FAM153A: variants seen among roughly 807,000 people sequenced by gnomAD.
FAM153A encodes protein FAM153A.
In FAM153A, 12 loss-of-function variants were observed where a neutral mutation model predicts 48.1. That is an observed-to-expected ratio of 0.25 (90% CI 0.16 to 0.40). The LOEUF (loss-of-function observed/expected upper bound fraction) is 0.40, where lower values mean the gene tolerates loss of function less well. Ranked by LOEUF, FAM153A falls within the 10% of genes least tolerant of loss-of-function variation. FAM153A has a pLI of 1.00. For synonymous variants in FAM153A, 36 were observed against 118.2 expected (o/e 0.30, Z 4.51); for missense variants, 111 against 345.8 (o/e 0.32, Z 5.38).
chr5:177,772,692 G>A (rs7446813), intron 1 of FAM153A, among the ~76,000 whole-genome samples: 766 of 6,540 alleles, frequency 0.12, 132 homozygotes, highest in East Asian at 0.94. Flanking sequence ...AGGGGCGCCC[G>A]CCATTGCCCA....
At chr5:177,738,632 G>A (rs6860719) in intron 10 of FAM153A, among the ~76,000 whole-genome samples, 13,430 of 150,314 alleles carry the variant, frequency 0.089, 852 homozygotes, top group African/African-American at 0.11. Flanking sequence ...GAGATAAAGC[G>A]CTTGGCAAAT....
chr5:177,770,785 A>G (rs1279616662), intron 1 of FAM153A, among the ~76,000 whole-genome samples: 6 of 98,974 alleles, frequency 6.1e-5, no homozygotes, highest in Non-Finnish European at 1.3e-4. Context: ...ATCAGTTGTA[A>G]CAAATGTACC....
At chr5:177,708,371 T>A (rs1037816082), downstream of FAM153A, among the ~76,000 whole-genome samples, 1 of 150,198 alleles carries the variant, frequency 6.7e-6, no homozygotes, top group African/African-American at 2.5e-5. Flanking sequence ...AGGTTGTGAG[T>A]TTGAGACCAG....
the FAM153A span, among the ~76,000 whole-genome samples, chr5:177,695,467 G>C: frequency 3.4e-4 from 52 of 152,140 alleles, no homozygotes; most frequent in African/African-American, 1.1e-3. Flanking sequence ...GACACTTAAC[G>C]AGCATGCTGC....
chr5:177,711,380 A>G (rs188966346), exon 27 of FAM153A: 1 of 151,986 alleles, frequency 6.6e-6, no homozygotes, highest in Non-Finnish European at 1.5e-5. Context: ...GTTGTTTTTT[A>G]AGTAGAAGGA....
intron 16 of FAM153A, among the ~76,000 whole-genome samples, chr5:177,730,614 G>C (rs1197601026): frequency 5.6e-5 from 7 of 123,896 alleles, no homozygotes; most frequent in African/African-American, 1.9e-4. Flanking sequence ...ATCTGAATAG[G>C]TTTTCATTCT....
chr5:177,754,728 T>A (rs1445882599), upstream of FAM153A, among the ~76,000 whole-genome samples: 4 of 151,810 alleles, frequency 2.6e-5, no homozygotes, highest in Non-Finnish European at 5.9e-5. Context: ...GCAAACAAGG[T>A]CCGGAGTGGA....
chr5:177,695,070 C>T, the FAM153A span, among the ~76,000 whole-genome samples: 1 of 134,046 alleles, frequency 7.5e-6, no homozygotes, highest in African/African-American at 3.0e-5. Flanking sequence ...ACTATAGGCG[C>T]ATGCCACCAT....
In FAM153A at chr5:177,739,110, T is replaced by C; in HGVS notation, c.562+3A>G. 1.9e-6 allele frequency: 3 copies of C among 1,612,944 alleles called. No individual in the cohort carries two copies. Among genetic ancestry groups the C allele is most frequent in the African/African-American group, 1.4e-5 (1 of 73,980 alleles). The stretch of plus-strand genomic sequence containing the variant: ...AGCAAAAAGGTGATCCCAGAATACA[T>C]ACCGTTGGTTTGGGTGCCTGCGTCT... On this transcript the variant is annotated splice_donor_region_variant and intron_variant, in intron 10 of 20. Coordinates refer to ENST00000614127, the Ensembl canonical transcript of FAM153A.
chr5:177,724,164 C>T (rs1317807935), exon 21 of FAM153A: 4 of 1,608,754 alleles, frequency 2.5e-6, no homozygotes, highest in Non-Finnish European at 3.4e-6. Flanking sequence ...ACCGGCTTTT[C>T]TTGCTGGGCT....
At chr5:177,698,667 T>G in the FAM153A span, among the ~76,000 whole-genome samples, 1 of 151,946 alleles carries the variant, frequency 6.6e-6, no homozygotes, top group Non-Finnish European at 1.5e-5. Context: ...TCTTTTCTAT[T>G]TATTTTTTTG....
At chr5:177,746,543 C>T (rs1766033609) in intron 4 of FAM153A, among the ~76,000 whole-genome samples, 1 of 151,556 alleles carries the variant, frequency 6.6e-6, no homozygotes, top group Non-Finnish European at 1.5e-5. Flanking sequence ...ATTCACTAAC[C>T]TTTTGTTTCA....
intron 1 of FAM153A, among the ~76,000 whole-genome samples, chr5:177,759,389 A>G (rs1768080604): frequency 6.6e-6 from 1 of 151,958 alleles, no homozygotes; most frequent in East Asian, 1.9e-4. Context: ...TAGTTCAACC[A>G]TTGTGGAAGA....
chr5:177,739,076 T>G (rs777261628), intron 10 of FAM153A, 37 bp downstream of exon 12: 39 of 1,610,962 alleles, frequency 2.4e-5, no homozygotes, highest in Non-Finnish European at 3.2e-5. Flanking sequence ...AACACTAAGA[T>G]TTTTCCTTAG....
intron 1 of FAM153A, among the ~76,000 whole-genome samples, chr5:177,779,042 G>GA (rs1407445561): frequency 6.7e-6 from 1 of 149,026 alleles, no homozygotes; most frequent in East Asian, 2.0e-4. Context: ...TGCATAACTG[G>GA]AAAAAAACAT....
the FAM153A span, among the ~76,000 whole-genome samples, chr5:177,697,756 T>G: frequency 6.6e-5 from 10 of 151,810 alleles, no homozygotes; most frequent in Admixed American, 6.6e-4. Flanking sequence ...ATTTATAGAA[T>G]GTACCTTCTT....
chr5:177,695,697 T>TC, the FAM153A span, among the ~76,000 whole-genome samples: 2 of 151,416 alleles, frequency 1.3e-5, no homozygotes, highest in Non-Finnish European at 2.9e-5. Flanking sequence ...CTCTTTCTTT[T>TC]CCCCACATTT....
At chr5:177,719,096 C>T (rs1326658279), downstream of FAM153A, among the ~76,000 whole-genome samples, 3 of 151,114 alleles carry the variant, frequency 2.0e-5, no homozygotes, top group East Asian at 5.9e-4. Flanking sequence ...GTTGTCCAGG[C>T]TGGTCTTAAA....
At chr5:177,743,191 TTTTTTTTTTGTTTTG>T (rs1765557291) in intron 6 of FAM153A, among the ~76,000 whole-genome samples, 1 of 49,656 alleles carries the variant, frequency 2.0e-5, no homozygotes, top group East Asian at 9.5e-4. Context: ...CATTCACTTG[TTTTTTTTTTGTTTTG>T]TTTTTTTTTT....
Sources: allele counts gnomAD v4.1 joint callset (sites outside exome capture counted in the v4.1 genomes callset), GRCh38; gene constraint gnomAD v4.1.1; transcripts MANE v1.5; gene names NCBI Gene and HGNC (gene_info 2026-07-23, HGNC 2026-07-21).